Variants in BMP7 observed in about 807,000 individuals in gnomAD.
BMP7 encodes osteogenic protein 1.
Under a neutral mutation model 41.2 loss-of-function variants are expected in BMP7, and 12 were observed. The ratio of observed to expected loss-of-function variants is 0.29; its 90% confidence interval spans 0.19 to 0.47. BMP7 has a LOEUF of 0.47. Among genes scored for constraint, BMP7 ranks in the 20% least tolerant of loss-of-function variants. BMP7 has a pLI of 0.99. For missense variants in BMP7, 467 were observed against 606.0 expected, an observed-to-expected ratio of 0.77 and a Z score of 2.41; for synonymous variants, 248 against 250.0, an observed-to-expected ratio of 0.99 and a Z score of 0.07.
rs57062226 is a variant in BMP7 at position 57,209,249 on chromosome 20, TTATATATATATATATATATATATATA to T, written c.612-6652_612-6627del. 2.7e-3 allele frequency among the ~76,000 whole-genome samples: 260 copies of T among 94,870 alleles called. 3 individuals are homozygous for T. Among genetic ancestry groups the T allele is most frequent in the African/African-American group, 7.9e-3 (229 of 29,104 alleles). The allele number at this position is 94,870 out of a possible 152,430, so 62.2% of individuals were successfully genotyped here. On this transcript the variant is annotated intron_variant, in intron 2 of 6. Transcript: ENST00000395863. ...AACAAATACCTAGATTTATATATTT[TTATATATATATATATATATATATATA>T]TATATATATATGTATATAAATTAAC...
intron 1 of BMP7, among the ~76,000 whole-genome samples, chr20:57,252,189 G>C (rs1740005815): frequency 6.6e-6 from 1 of 152,196 alleles, no homozygotes; most frequent in Non-Finnish European, 1.5e-5. Flanking sequence ...CTTGAAATTT[G>C]AATTTCATGT....
In BMP7 at chr20:57,196,971, G is replaced by A. The variant is rs113429312; in HGVS notation, c.760+5504C>T. ...GGCTGGAGTGCGGTAGTATGATCTC[G>A]GTTCACTGCAACCTCCACCTCCCGG... On this transcript the variant is annotated intron_variant, in intron 3 of 6. Coordinates refer to ENST00000395863, the MANE Select transcript of BMP7 (RefSeq NM_001719.3). Among the ~76,000 whole-genome samples the A allele has an allele frequency of 6.3e-3, 957 of 151,438 alleles. 9 individuals carry two copies. Among genetic ancestry groups the A allele is most frequent in the African/African-American group, 0.022 (890 of 41,204 alleles).
At chr20:57,206,130 C>T (rs115780703) in intron 2 of BMP7, among the ~76,000 whole-genome samples, 26 of 152,310 alleles carry the variant, frequency 1.7e-4, no homozygotes, top group African/African-American at 6.3e-4. Flanking sequence ...GTTCTTACAA[C>T]CAGGAGAGCA....
intron 3 of BMP7, among the ~76,000 whole-genome samples, chr20:57,198,553 G>A (rs549406166): frequency 9.8e-5 from 15 of 152,314 alleles, no homozygotes; most frequent in African/African-American, 3.6e-4. Context: ...GCGAGGGCAC[G>A]CTGGCCTGGA....
At chr20:57,182,349 C>T (rs1221842837) in intron 4 of BMP7, among the ~76,000 whole-genome samples, 1 of 152,192 alleles carries the variant, frequency 6.6e-6, no homozygotes, top group Non-Finnish European at 1.5e-5. Context: ...GATCCCAGCA[C>T]CCCCAGGCCA....
At chr20:57,265,469 C>T (rs991328017) in intron 1 of BMP7, among the ~76,000 whole-genome samples, 4 of 152,280 alleles carry the variant, frequency 2.6e-5, no homozygotes, top group Non-Finnish European at 4.4e-5. Flanking sequence ...GAGGGGACTT[C>T]GGAGGATCCC....
At chr20:57,187,884 A>AACAGGTGCTCTGAGG (rs1189069197) in intron 3 of BMP7, among the ~76,000 whole-genome samples, 4 of 152,336 alleles carry the variant, frequency 2.6e-5, no homozygotes, top group African/African-American at 9.6e-5. Context: ...CCTGACGTGG[A>AACAGGTGCTCTGAGG]ACAGGTGCTC....
chr20:57,229,322 T>C (rs1392153411), intron 1 of BMP7, among the ~76,000 whole-genome samples: 1 of 152,176 alleles, frequency 6.6e-6, no homozygotes, highest in Admixed American at 6.5e-5. Flanking sequence ...CTAACAGCAC[T>C]AAAAGGAGTG....
At chr20:57,203,866 A>G (rs1984676105) in intron 2 of BMP7, among the ~76,000 whole-genome samples, 1 of 152,238 alleles carries the variant, frequency 6.6e-6, no homozygotes, top group African/African-American at 2.4e-5. Flanking sequence ...TTGTCTGCTC[A>G]CACGTAAAGA....
chr20:57,230,838 G>A lies in BMP7; in HGVS notation c.419-2417C>T, dbSNP rs146451595. Among the ~76,000 whole-genome samples, 646 of 151,644 alleles carry A rather than the reference G, an allele frequency of 4.3e-3. 6 individuals carry two copies. The highest frequency in any genetic ancestry group is 0.015 in the African/African-American group (603 of 41,328). On this transcript the variant is annotated intron_variant, in intron 1 of 6. Transcript: ENST00000395863. Reference sequence around the variant, plus strand: ...ACTACAGGCTCCCGTCACCATGCTCGGCTAATTTTTTGTATTTTTAGTAGA... The same window carrying A: ...ACTACAGGCTCCCGTCACCATGCTCAGCTAATTTTTTGTATTTTTAGTAGA...
intron 1 of BMP7, among the ~76,000 whole-genome samples, chr20:57,246,778 T>C (rs1361281173): frequency 2.6e-5 from 4 of 152,096 alleles, no homozygotes; most frequent in Non-Finnish European, 4.4e-5. Context: ...CACCTGAGGT[T>C]GGGAGTTCAA....
chr20:57,259,478 G>A lies in BMP7; in HGVS notation c.418+6227C>T, dbSNP rs2066145726. ...CCGACATCAATTAATGAAAAGCAGG[G>A]TTGTGTGAGAGGCTCTGGTTTGGAA... is the stretch of plus-strand genomic sequence containing the variant. On this transcript the variant is annotated intron_variant, in intron 1 of 6. Transcript: ENST00000395863. The surrounding 1 kb of genome is among the most constrained non-coding windows in gnomAD (Gnocchi z 4.7). Among the ~76,000 whole-genome samples, 1 of 152,164 alleles carries A rather than the reference G, an allele frequency of 6.6e-6. No homozygotes were observed. The highest frequency in any genetic ancestry group is 1.5e-5 in the Non-Finnish European group (1 of 68,028).
intron 1 of BMP7, among the ~76,000 whole-genome samples, chr20:57,262,419 A>G (rs2066157799): frequency 1.3e-5 from 2 of 152,218 alleles, no homozygotes; most frequent in Non-Finnish European, 2.9e-5. Flanking sequence ...GGGCTTTGTC[A>G]TAAGGTGCGG....
At chr20:57,217,326 G>C (rs1301356070) in intron 2 of BMP7, among the ~76,000 whole-genome samples, 2 of 152,154 alleles carry the variant, frequency 1.3e-5, no homozygotes, top group Non-Finnish European at 2.9e-5. Context: ...CCCCTAACTA[G>C]GCCCTGGGGA....
intron 3 of BMP7, among the ~76,000 whole-genome samples, chr20:57,200,488 A>G (rs2123087418): frequency 6.6e-6 from 1 of 152,320 alleles, no homozygotes; most frequent in African/African-American, 2.4e-5. Flanking sequence ...CAGGACTGGT[A>G]GTAAGAGGAG....
chr20:57,202,759 C>T (rs1984653216), intron 2 of BMP7, 136 bp from the exon 3 acceptor site: 2 of 1,101,662 alleles, frequency 1.8e-6, no homozygotes, highest in Non-Finnish European at 2.6e-6. Context: ...GTGGGAACAT[C>T]AGACCAAGAT....
chr20:57,262,724 G>GCC (rs113487639), intron 1 of BMP7, among the ~76,000 whole-genome samples: 10 of 151,324 alleles, frequency 6.6e-5, no homozygotes, highest in African/African-American at 1.5e-4. Context: ...CCTCACCCAT[G>GCC]CCCCCCCCGC....
At chr20:57,207,469 A>G (rs1984758598) in intron 2 of BMP7, among the ~76,000 whole-genome samples, 1 of 152,216 alleles carries the variant, frequency 6.6e-6, no homozygotes, top group Non-Finnish European at 1.5e-5. Context: ...TTAAGCCACT[A>G]CATATGAGTG....
Position 57,170,775 on chromosome 20 carries a change from G to T in BMP7, c.*184C>A. The T allele has an allele frequency of 1.4e-6, 1 of 739,318 alleles. No homozygotes were observed. Among genetic ancestry groups the T allele is most frequent in the Non-Finnish European group, 2.2e-6 (1 of 447,902 alleles). 45.8% of individuals were successfully genotyped at this position (739,318 alleles called of 1,614,324 possible). ...TGTAGGATCTTGTTCATTGGATGCT[G>T]CCACTGAAAAACTGATCAAAAGCCA... On this transcript the variant is annotated 3_prime_UTR_variant, in exon 7 of 7. Transcript: ENST00000395863.
Sources: gnomAD v4.1 joint callset for allele counts (sites outside exome capture counted in the v4.1 genomes callset) on GRCh38, gnomAD v4.1.1 for gene constraint, Gnocchi (gnomAD v3.1) non-coding constraint, MANE v1.5 for transcripts, NCBI Gene and HGNC (gene_info 2026-07-23, HGNC 2026-07-21) for gene names.